Variants in TFDP2 observed in about 807,000 individuals in gnomAD.
The protein encoded by TFDP2 is transcription factor Dp-2 (E2F dimerization partner 2).
A neutral mutation model predicts 59.3 loss-of-function variants in TFDP2; 17 were observed. That is an observed-to-expected ratio of 0.29 (90% CI 0.20 to 0.43). TFDP2 has a LOEUF of 0.43. Among genes scored for constraint, TFDP2 ranks in the 20% least tolerant of loss-of-function variants. The probability of loss-of-function intolerance (pLI) is 1.00; values close to 1 mark genes in which losing one functional copy is unlikely to be tolerated. For synonymous variants in TFDP2, 180 were observed against 194.7 expected, an observed-to-expected ratio of 0.92 and a Z score of 0.63; for missense variants, 391 against 528.8, an observed-to-expected ratio of 0.74 and a Z score of 2.56.
chr3:142,142,555 T>C (rs1479167301), intron 1 of TFDP2, among the ~76,000 whole-genome samples: 1 of 152,116 alleles, frequency 6.6e-6, no homozygotes, highest in Non-Finnish European at 1.5e-5. Context: ...TTCAAGGCAA[T>C]CCCTATCAAA....
chr3:142,063,823 A>G (rs143761906), intron 3 of TFDP2, among the ~76,000 whole-genome samples: 60 of 142,698 alleles, frequency 4.2e-4, no homozygotes, highest in Middle Eastern at 3.6e-3. Context: ...TATTAGACAC[A>G]TAGCAGGTAC....
chr3:142,064,817 T>G (rs1268052328), intron 3 of TFDP2, among the ~76,000 whole-genome samples: 1 of 152,210 alleles, frequency 6.6e-6, no homozygotes, highest in East Asian at 1.9e-4. Context: ...CAACAATATA[T>G]GTTGCAAAAG....
intron 3 of TFDP2, among the ~76,000 whole-genome samples, chr3:142,047,064 T>C (rs955728340): frequency 6.6e-6 from 1 of 152,170 alleles, no homozygotes; most frequent in African/African-American, 2.4e-5. Context: ...CTATTGAGCA[T>C]ATTAAATACA....
At chr3:142,082,554 C>G (rs1186369787) in intron 3 of TFDP2, among the ~76,000 whole-genome samples, 2 of 151,964 alleles carry the variant, frequency 1.3e-5, no homozygotes, top group South Asian at 4.1e-4. Context: ...CAAAACCAGA[C>G]AAAGAAACAT....
chr3:141,993,488 C>T lies in TFDP2; in HGVS notation c.356+50G>A, dbSNP rs6794063. On this transcript the variant is annotated intron_variant, in intron 6 of 12. Transcript: ENST00000489671. Reference sequence around the variant, plus strand: ...CCAGAGCAGTGGCAATGCCAACAGCCTCTCTATATAGCCAAATCTTCCAAA... The same window carrying T: ...CCAGAGCAGTGGCAATGCCAACAGCTTCTCTATATAGCCAAATCTTCCAAA... 3,361 of 1,239,506 alleles carry T rather than the reference C, an allele frequency of 2.7e-3. 77 individuals are homozygous for T. In the African/African-American group the frequency reaches 0.046, roughly 17 times the overall value. The allele number at this position is 1,239,506 out of a possible 1,614,324, so 76.8% of individuals were successfully genotyped here.
intron 1 of TFDP2, among the ~76,000 whole-genome samples, chr3:142,114,284 T>G (rs950264628): frequency 6.6e-6 from 1 of 152,240 alleles, no homozygotes; most frequent in African/African-American, 2.4e-5. Flanking sequence ...TAAATGTTAC[T>G]ATATACATGT....
chr3:142,005,450 T>A lies in TFDP2; in HGVS notation c.177A>T (p.Gly59=). The A allele has an allele frequency of 6.2e-7, 1 of 1,604,950 alleles. No individual in the cohort carries two copies. The highest frequency in any genetic ancestry group is 1.3e-5 in the African/African-American group (1 of 74,784). ...KTLGPINVNV[G]PQMIISTPQR... ...TTGATAATTTTCTTACCATTTGGGG[T>A]CCAACATTCACATTTATTGGTCCTA... The change falls in exon 4 of 13, where the codon GGA becomes GGT. Residue 59 remains glycine (G), a synonymous_variant. Coordinates refer to ENST00000489671, the MANE Select transcript of TFDP2 (RefSeq NM_001178139.2).
At chr3:142,065,101 G>A (rs1227687044) in intron 3 of TFDP2, among the ~76,000 whole-genome samples, 1 of 151,942 alleles carries the variant, frequency 6.6e-6, no homozygotes, top group African/African-American at 2.4e-5. Context: ...GGGATGAACT[G>A]GTCAATAAAT....
chr3:142,146,827 A>T (rs1256471024), intron 1 of TFDP2, among the ~76,000 whole-genome samples: 1 of 152,222 alleles, frequency 6.6e-6, no homozygotes, highest in Non-Finnish European at 1.5e-5. Context: ...ATATTTTCTA[A>T]CACTCAGTGG....
intron 7 of TFDP2, among the ~76,000 whole-genome samples, chr3:141,975,467 C>T (rs183758235): frequency 4.4e-4 from 67 of 151,970 alleles, no homozygotes; most frequent in Admixed American, 7.2e-4. Context: ...CCAAGGTGGG[C>T]GGATCACCTG....
chr3:142,009,131 G>GTA (rs1944440930), intron 3 of TFDP2, among the ~76,000 whole-genome samples: 1 of 152,114 alleles, frequency 6.6e-6, no homozygotes, highest in Non-Finnish European at 1.5e-5. Flanking sequence ...TCTCAGCTTT[G>GTA]TATCCCAGCA....
At chr3:141,960,076 T>C (rs914772849) in intron 10 of TFDP2, among the ~76,000 whole-genome samples, 1 of 152,202 alleles carries the variant, frequency 6.6e-6, no homozygotes, top group African/African-American at 2.4e-5. Context: ...CCACAAACTT[T>C]AGCCCTAACT....
intron 4 of TFDP2, chr3:142,000,354 C>T: frequency 1.4e-6 from 1 of 702,210 alleles, no homozygotes; most frequent in Non-Finnish European, 2.6e-6. Context: ...CTGGTTGCAT[C>T]CTAATAGCAG....
intron 3 of TFDP2, among the ~76,000 whole-genome samples, chr3:142,034,427 C>A (rs1946584993): frequency 6.6e-6 from 1 of 151,900 alleles, no homozygotes; most frequent in Admixed American, 6.6e-5. Context: ...ATTATTAAAT[C>A]TTCAAAAATG....
At chr3:142,130,699 T>C (rs1330952554) in intron 1 of TFDP2, among the ~76,000 whole-genome samples, 1 of 151,978 alleles carries the variant, frequency 6.6e-6, no homozygotes, top group African/African-American at 2.4e-5. Context: ...AGATGGATGG[T>C]GGTGATGGTT....
intron 1 of TFDP2, among the ~76,000 whole-genome samples, chr3:142,107,225 TTTTTC>T (rs1039106156): frequency 2.0e-5 from 3 of 151,876 alleles, no homozygotes; most frequent in Non-Finnish European, 4.4e-5. Context: ...TATTTTCTTT[TTTTTC>T]TTTTCTTTTT....
chr3:142,060,910 T>C (rs1009653412), intron 3 of TFDP2, among the ~76,000 whole-genome samples: 3 of 152,192 alleles, frequency 2.0e-5, no homozygotes, highest in Admixed American at 2.0e-4. Context: ...ACTTACTTAT[T>C]TGTCTTTGGC....
At chr3:141,959,268 C>A (rs961331013) in intron 11 of TFDP2, among the ~76,000 whole-genome samples, 2 of 152,082 alleles carry the variant, frequency 1.3e-5, no homozygotes, top group African/African-American at 4.8e-5. Flanking sequence ...GATGTACCTA[C>A]TTTCTTTTGT....
rs1484896374 is a variant in TFDP2 at position 142,021,359 on chromosome 3, G to GAAAAGCCTGAATTTCTAGTAAATTA, written c.83-15816_83-15815insTAATTTACTAGAAATTCAGGCTTTT. The stretch of plus-strand genomic sequence containing the variant: ...TTCCTACATATCACATACACGGAAG[G>GAAAAGCCTGAATTTCTAGTAAATTA]AAAAGCCTGAATGTTTCTGCAGCTG... On this transcript the variant is annotated intron_variant, in intron 3 of 12. Transcript: ENST00000489671. 3.3e-5 allele frequency among the ~76,000 whole-genome samples: 5 copies of GAAAAGCCTGAATTTCTAGTAAATTA among 152,160 alleles called. No individual in the cohort carries two copies. In the East Asian group the frequency reaches 9.6e-4, roughly 29 times the overall value.
Sources: allele counts gnomAD v4.1 joint callset (sites outside exome capture counted in the v4.1 genomes callset), GRCh38; gene constraint gnomAD v4.1.1; transcripts MANE v1.5; gene names NCBI Gene and HGNC (gene_info 2026-07-23, HGNC 2026-07-21).